The following CNTN5 variants were observed in gnomAD, a reference collection of about 807,000 sequenced individuals.
The protein encoded by CNTN5 is contactin-5.
CNTN5 carries 77 observed loss-of-function variants against 129.1 expected under a neutral mutation model. The ratio of observed to expected loss-of-function variants is 0.60; its 90% confidence interval spans 0.50 to 0.72. The LOEUF is 0.72. CNTN5 is among the 30% of genes least tolerant of loss of function. The pLI is 0.00. For synonymous variants in CNTN5, 509 were observed against 465.6 expected (o/e 1.09, Z -1.20); for missense variants, 1,478 against 1,328.8 (o/e 1.11, Z -1.75).
chr11:99,829,519 G>C (rs1047354634), intron 4 of CNTN5, among the ~76,000 whole-genome samples: 1 of 152,150 alleles, frequency 6.6e-6, no homozygotes, highest in African/African-American at 2.4e-5. Flanking sequence ...ATAAAGAAGA[G>C]AAATGGAGCA....
chr11:99,918,910 A>G (rs1949863097), intron 7 of CNTN5, among the ~76,000 whole-genome samples: 1 of 152,088 alleles, frequency 6.6e-6, no homozygotes, highest in Non-Finnish European at 1.5e-5. Flanking sequence ...CCATCGCAAC[A>G]GCTTTTCCTG....
intron 13 of CNTN5, among the ~76,000 whole-genome samples, chr11:100,126,201 C>T (rs958610769): frequency 8.6e-5 from 13 of 152,000 alleles, no homozygotes; most frequent in Admixed American, 5.3e-4. Flanking sequence ...TTTAATTTAT[C>T]GAGACTTACT....
At chr11:99,027,999 T>C (rs1031914971) in intron 1 of CNTN5, among the ~76,000 whole-genome samples, 1 of 151,762 alleles carries the variant, frequency 6.6e-6, no homozygotes, top group Non-Finnish European at 1.5e-5. Context: ...ATATAAAACA[T>C]GTCCTTGAAG....
chr11:99,983,581 G>A (rs1938486211), intron 8 of CNTN5, among the ~76,000 whole-genome samples: 1 of 152,212 alleles, frequency 6.6e-6, no homozygotes, highest in East Asian at 1.9e-4. Context: ...AACTCTAGTA[G>A]TAGTAGGAGG....
intron 6 of CNTN5, among the ~76,000 whole-genome samples, chr11:99,897,349 A>G (rs1020648423): frequency 1.3e-5 from 2 of 152,192 alleles, no homozygotes; most frequent in Non-Finnish European, 2.9e-5. Context: ...TTTGGTTACT[A>G]GACTATCCAA....
At chr11:99,741,898 G>C (rs938945187) in intron 3 of CNTN5, among the ~76,000 whole-genome samples, 1 of 152,004 alleles carries the variant, frequency 6.6e-6, no homozygotes, top group African/African-American at 2.4e-5. Context: ...TGCCCAGTAA[G>C]GTTGTAAGTA....
intron 2 of CNTN5, among the ~76,000 whole-genome samples, chr11:99,487,530 A>G (rs778138889): frequency 1.6e-4 from 25 of 152,212 alleles, no homozygotes; most frequent in Non-Finnish European, 2.9e-4. Context: ...ACATCCCTGT[A>G]GAAGAATTTA....
rs199927536 is a variant in CNTN5 at position 100,255,803 on chromosome 11, C to T, written c.2049C>T (p.Thr683=). 2.4e-5 allele frequency: 39 copies of T among 1,613,734 alleles called. No individual in the cohort carries two copies. Among genetic ancestry groups the T allele is most frequent in the South Asian group, 3.3e-5 (3 of 91,082 alleles). Reference sequence around the variant, plus strand: ...GGATAGTAATTGTTGAGGAAATAACCGAAAGTACGGCCACACTGTCCTGGA... The same window carrying T: ...GGATAGTAATTGTTGAGGAAATAACTGAAAGTACGGCCACACTGTCCTGGA... ...PPGIVIVEEI[T]ESTATLSWSP... The change falls in exon 17 of 25, where the codon ACC becomes ACT. Residue 683 remains threonine, a synonymous_variant. Coordinates refer to ENST00000524871, the MANE Select transcript of CNTN5 (RefSeq NM_014361.4).
chr11:100,243,606 A>G (rs955887954), intron 16 of CNTN5, among the ~76,000 whole-genome samples: 1 of 152,210 alleles, frequency 6.6e-6, no homozygotes, highest in Non-Finnish European at 1.5e-5. Context: ...GCTGACTTCC[A>G]TGATACCTCT....
In CNTN5 at chr11:99,717,398, C is replaced by T. The variant is rs373326437; in HGVS notation, c.56-102146C>T. On this transcript the variant is annotated intron_variant, in intron 3 of 24. Transcript: ENST00000524871. ...TTGTACCTGCTTATAGAAAGAAAAG[C>T]GTAGGGAAGTTATTGCTAGGAGTTA... Among the ~76,000 whole-genome samples, 652 of 151,832 alleles carry T rather than the reference C, an allele frequency of 4.3e-3. 6 individuals are homozygous for T. Among genetic ancestry groups the T allele is most frequent in the African/African-American group, 0.014 (566 of 41,414 alleles).
intron 1 of CNTN5, among the ~76,000 whole-genome samples, chr11:99,106,513 T>G (rs1197480073): frequency 6.6e-6 from 1 of 152,072 alleles, no homozygotes; most frequent in Non-Finnish European, 1.5e-5. Context: ...AATTATTTTC[T>G]TAAGAGTGAT....
At chr11:100,278,530 T>G (rs917094004) in intron 18 of CNTN5, among the ~76,000 whole-genome samples, 4 of 151,904 alleles carry the variant, frequency 2.6e-5, no homozygotes, top group South Asian at 2.1e-4. Context: ...TTCATTTATT[T>G]GGTTAATTCC....
At chr11:99,824,797 T>G (rs900188157) in intron 4 of CNTN5, among the ~76,000 whole-genome samples, 2 of 152,010 alleles carry the variant, frequency 1.3e-5, no homozygotes, top group Non-Finnish European at 2.9e-5. Context: ...TGGAGTGGTA[T>G]GTATTAACCA....
chr11:99,566,497 A>C (rs1949010339), intron 3 of CNTN5, among the ~76,000 whole-genome samples: 1 of 152,204 alleles, frequency 6.6e-6, no homozygotes, highest in African/African-American at 2.4e-5. Context: ...GTCTTCCTGT[A>C]AATTTTACTT....
rs563778 is a variant in CNTN5 at position 100,356,616 on chromosome 11, A to T, written c.*396A>T. On this transcript the variant is annotated 3_prime_UTR_variant, in exon 25 of 25. Transcript: ENST00000524871. ...ATCTGTTTCAAAAACAAATACAAAA[A>T]TGAGAATGAAAAGTTTGCTTAAGAC... 1 of 169,110 alleles carries T rather than the reference A, an allele frequency of 5.9e-6. No individual in the cohort carries two copies. Among genetic ancestry groups the T allele is most frequent in the Non-Finnish European group, 1.3e-5 (1 of 79,004 alleles). The allele number at this position is 169,110 out of a possible 1,614,324, so 10.5% of individuals were successfully genotyped here.
chr11:99,779,325 G>C (rs553945981), intron 3 of CNTN5, among the ~76,000 whole-genome samples: 2 of 151,984 alleles, frequency 1.3e-5, no homozygotes, highest in East Asian at 3.9e-4. Context: ...ATTCAGATAT[G>C]GAAATAGAAT....
chr11:99,327,709 T>C (rs1252292875), intron 2 of CNTN5, among the ~76,000 whole-genome samples: 1 of 152,232 alleles, frequency 6.6e-6, no homozygotes, highest in Non-Finnish European at 1.5e-5. Flanking sequence ...ATTTCATTCA[T>C]ATACTTGCAC....
intron 1 of CNTN5, among the ~76,000 whole-genome samples, chr11:99,246,841 T>C (rs1861837380): frequency 1.3e-5 from 2 of 152,134 alleles, no homozygotes; most frequent in Admixed American, 1.3e-4. Flanking sequence ...CATAGGCTAG[T>C]CTCTTTATGC....
intron 8 of CNTN5, among the ~76,000 whole-genome samples, chr11:99,975,037 A>G (rs896478009): frequency 1.1e-4 from 16 of 152,258 alleles, no homozygotes; most frequent in African/African-American, 3.6e-4. Context: ...AATGATTCAT[A>G]TGTATAAATA....
Sources: allele counts gnomAD v4.1 joint callset (sites outside exome capture counted in the v4.1 genomes callset), GRCh38; gene constraint gnomAD v4.1.1; transcripts MANE v1.5; gene names NCBI Gene and HGNC (gene_info 2026-07-23, HGNC 2026-07-21).